The following CLIP2 variants were observed in gnomAD, a reference collection of about 807,000 sequenced individuals.
The protein encoded by CLIP2 is CAP-Gly domain-containing linker protein 2.
CLIP2 carries 41 observed loss-of-function variants against 111.7 expected under a neutral mutation model. The observed-to-expected ratio is 0.37, with a 90% CI of 0.29 to 0.48. The LOEUF (loss-of-function observed/expected upper bound fraction) is 0.48, where lower values mean the gene tolerates loss of function less well. CLIP2 is among the 20% of genes least tolerant of loss of function. The pLI, the probability that CLIP2 is intolerant of heterozygous loss-of-function variation, is 0.99. For synonymous variants in CLIP2, 660 were observed against 644.2 expected (o/e 1.02, Z -0.37); for missense variants, 1,160 against 1,422.1 (o/e 0.82, Z 2.96).
chr7:74,394,242 CTTATTTTTTTT>C (rs1791378824), intron 13 of CLIP2, among the ~76,000 whole-genome samples: 1 of 119,736 alleles, frequency 8.4e-6, no homozygotes, highest in Non-Finnish European at 1.8e-5. Context: ...TCTTTTTCTT[CTTATTTTTTTT>C]TTTTTTTTTT....
chr7:74,378,286 C>T (rs1333294747), intron 10 of CLIP2, among the ~76,000 whole-genome samples: 1 of 151,650 alleles, frequency 6.6e-6, no homozygotes, highest in Non-Finnish European at 1.5e-5. Flanking sequence ...CCCCACCACA[C>T]CTGGCTAATT....
intron 1 of CLIP2, among the ~76,000 whole-genome samples, chr7:74,314,073 C>T (rs1788709104): frequency 1.3e-5 from 2 of 151,518 alleles, no homozygotes; most frequent in South Asian, 2.1e-4. Context: ...GTCTGACTTA[C>T]TCAGAGGCTG....
At chr7:74,360,359 C>A in intron 7 of CLIP2, 81 bp downstream of exon 7, 1 of 1,070,654 alleles carries the variant, frequency 9.3e-7, no homozygotes, top group Non-Finnish European at 1.4e-6. Flanking sequence ...GAATAGCGGA[C>A]CCAGGTTCCA....
intron 7 of CLIP2, among the ~76,000 whole-genome samples, chr7:74,363,004 CTT>C (rs201829199): frequency 1.4e-5 from 2 of 144,548 alleles, no homozygotes; most frequent in Non-Finnish European, 1.5e-5. Flanking sequence ...CAGCTTTGAG[CTT>C]TTTTTTTTTT....
rs377031772 is a variant in CLIP2, at chr7:74,292,130, C to T, written c.-68+2396C>T. Among the ~76,000 whole-genome samples, 51 of 152,170 alleles carry T rather than the reference C, an allele frequency of 3.4e-4. 1 individual carries two copies. Among genetic ancestry groups the T allele is most frequent in the African/African-American group, 1.2e-3 (50 of 41,524 alleles). ...AGAGACGGGGTTTCACCATGTTGGCCAGGCTGGTTTTGAACTCCTGACCTC... is the reference window on the plus strand; with the variant it reads ...AGAGACGGGGTTTCACCATGTTGGCTAGGCTGGTTTTGAACTCCTGACCTC... On this transcript the variant is annotated intron_variant, in intron 1 of 16. Transcript: ENST00000223398.
At chr7:74,342,823 G>A (rs1429465902) in intron 3 of CLIP2, among the ~76,000 whole-genome samples, 3 of 152,132 alleles carry the variant, frequency 2.0e-5, no homozygotes, top group African/African-American at 4.8e-5. Flanking sequence ...TGAGGCAGGC[G>A]GATCACGACG....
intron 1 of CLIP2, among the ~76,000 whole-genome samples, chr7:74,306,139 G>T (rs1267111665): frequency 6.6e-6 from 1 of 152,130 alleles, no homozygotes; most frequent in African/African-American, 2.4e-5. Flanking sequence ...CTGCCCCGCA[G>T]GTGCTGCCTG....
intron 13 of CLIP2, among the ~76,000 whole-genome samples, chr7:74,396,152 C>G (rs1362723922): frequency 5.3e-5 from 8 of 152,330 alleles, no homozygotes; most frequent in Admixed American, 4.6e-4. Flanking sequence ...TGCACTGTTT[C>G]CTGCAGACCC....
At chr7:74,378,776 G>A (rs2116663215) in intron 10 of CLIP2, among the ~76,000 whole-genome samples, 1 of 152,274 alleles carries the variant, frequency 6.6e-6, no homozygotes, top group Admixed American at 6.5e-5. Flanking sequence ...CGAGAATTTA[G>A]CATGTGGGCA....
At chr7:74,342,265 A>C (rs1220849559) in intron 3 of CLIP2, among the ~76,000 whole-genome samples, 1 of 151,992 alleles carries the variant, frequency 6.6e-6, no homozygotes, top group East Asian at 1.9e-4. Flanking sequence ...AGTCCGAGCT[A>C]CTCGGGAGGT....
At chr7:74,364,945 A>C in intron 8 of CLIP2, 1 of 443,070 alleles carries the variant, frequency 2.3e-6, no homozygotes, top group Non-Finnish European at 4.5e-6. Context: ...GATCGCTTGA[A>C]TCTGGGAGAT....
In CLIP2 at chr7:74,354,637, G is replaced by A. The variant is rs147807383; in HGVS notation, c.803+633G>A. Among the ~76,000 whole-genome samples the A allele has an allele frequency of 6.1e-3, 930 of 152,062 alleles. 11 individuals are homozygous for A. The highest frequency in any genetic ancestry group is 0.022 in the African/African-American group (901 of 41,480). ...CTCAAAAAAATTAGCCAGGCATGGT[G>A]GCATGCACCTGTAGTCCCAGCTACT... On this transcript the variant is annotated intron_variant, in intron 4 of 16. Transcript: ENST00000223398.
At position 74,353,853 on chromosome 7, in the gene CLIP2, GACCTGAGTC is replaced by G. The variant is rs781958898; in HGVS notation, c.679-26_679-18del. 5 of 1,613,998 alleles carry G rather than the reference GACCTGAGTC, an allele frequency of 3.1e-6. No homozygotes were observed. The South Asian group carries it at 5.5e-5, about 18-fold the overall frequency. On this transcript the variant is annotated intron_variant, in intron 3 of 16. Coordinates refer to ENST00000223398, the MANE Select transcript of CLIP2 (RefSeq NM_003388.5). ...TCTGCCTGTGCCACTGCATCCTCTAGACCTGAGTCTCCCTGTGTGCCGACAGGTTGGCGG... is the reference window on the plus strand; with the variant it reads ...TCTGCCTGTGCCACTGCATCCTCTAGTCCCTGTGTGCCGACAGGTTGGCGG...
In CLIP2 at chr7:74,336,043, CTCT is replaced by C. The variant is rs1554732063; in HGVS notation, c.122-2400_122-2398del. 4.0e-5 allele frequency among the ~76,000 whole-genome samples: 6 copies of C among 150,686 alleles called. No individual in the cohort carries two copies. In the East Asian group the frequency reaches 1.2e-3, roughly 30 times the overall value. On this transcript the variant is annotated intron_variant, in intron 2 of 16. Coordinates refer to ENST00000223398, the MANE Select transcript of CLIP2 (RefSeq NM_003388.5). Reference sequence around the variant, plus strand: ...AGGCGTAAGCCACTGCGCCTGGCCTCTCTTCTTTTCTCTTTTTTCTTTTCTATT... The same window carrying C: ...AGGCGTAAGCCACTGCGCCTGGCCTCTCTTTTCTCTTTTTTCTTTTCTATT...
chr7:74,338,801 C>T lies in CLIP2; in HGVS notation c.475C>T (p.His159Tyr), dbSNP rs1254140150. 1.2e-6 allele frequency: 2 copies of T among 1,611,278 alleles called. No individual in the cohort carries two copies. Among genetic ancestry groups the T allele is most frequent in the Non-Finnish European group, 1.7e-6 (2 of 1,179,798 alleles). The change falls in exon 3 of 17, where the codon CAC becomes TAC. Residue 159 changes from histidine (H) to tyrosine (Y), a missense_variant. Physicochemically the swap from His to Tyr is moderately conservative, Grantham distance 83. Transcript: ENST00000223398. This position sits in a 1 kb window ranked among gnomAD's most constrained non-coding sequence, Gnocchi z 4.3. Reference sequence around the variant, plus strand: ...GGCCGAGGGCTCGGGGAGTGATGCCCACTCCGTGGAGTCGCTGACTGCCCA... The same window carrying T: ...GGCCGAGGGCTCGGGGAGTGATGCCTACTCCGTGGAGTCGCTGACTGCCCA... ...PTAEGSGSDA[H>Y]SVESLTAQNL...
chr7:74,317,635 C>G lies in CLIP2; in HGVS notation c.89C>G (p.Ser30Cys). Residue 30 changes from serine (S) to cysteine (C), a missense_variant, in exon 2 of 17, where the codon TCC (serine) becomes TGC (cysteine). Physicochemically the swap from Ser to Cys is moderately radical, Grantham distance 112. Transcript: ENST00000223398. ...CGGACATCTACTGGGTCAGCTTCAT[C>G]CTCGGCGGCGGTGGCCGCTAGCTCC... ...MGRTSTGSASSSAAVAASSKE... is the reference protein window; with the variant it reads ...MGRTSTGSASCSAAVAASSKE... The G allele has an allele frequency of 1.3e-6, 2 of 1,522,134 alleles. No individual in the cohort carries two copies. Among genetic ancestry groups the G allele is most frequent in the Non-Finnish European group, 1.8e-6 (2 of 1,128,792 alleles). The allele number at this position is 1,522,134 out of a possible 1,614,324, so 94.3% of individuals were successfully genotyped here. A position where few individuals can be genotyped will look rare whatever the true frequency, so the allele number is the denominator to read the frequency against.
chr7:74,379,907 A>G (rs922878119), intron 10 of CLIP2: 4 of 152,254 alleles, frequency 2.6e-5, no homozygotes, highest in Non-Finnish European at 4.4e-5. Flanking sequence ...AGATTGAGCC[A>G]TTGCACTCTA....
At chr7:74,394,237 T>TTCG (rs1791377492) in intron 13 of CLIP2, among the ~76,000 whole-genome samples, 1 of 131,612 alleles carries the variant, frequency 7.6e-6, no homozygotes, top group Non-Finnish European at 1.7e-5. Flanking sequence ...TACCTTCTTT[T>TTCG]TCTTCTTATT....
Position 74,349,468 on chromosome 7 carries a change from G to GTATATA in CLIP2, c.679-4411_679-4410insATATAT, listed in dbSNP as rs1385137051. Among the ~76,000 whole-genome samples the GTATATA allele has an allele frequency of 1.6e-3, 96 of 61,732 alleles. 1 individual carries two copies. Among genetic ancestry groups the GTATATA allele is most frequent in the Non-Finnish European group, 2.2e-3 (69 of 31,832 alleles). The allele number at this position is 61,732 out of a possible 152,430, so 40.5% of individuals were successfully genotyped here. ...AAAAAGTATGTATGTGTGTGTGTGT[G>GTATATA]TGTATATATATATATATATATATAT... is the stretch of plus-strand genomic sequence containing the variant. On this transcript the variant is annotated intron_variant, in intron 3 of 16. Coordinates refer to ENST00000223398, the MANE Select transcript of CLIP2 (RefSeq NM_003388.5).
Sources: allele counts gnomAD v4.1 joint callset (sites outside exome capture counted in the v4.1 genomes callset), GRCh38; gene constraint gnomAD v4.1.1; non-coding constraint Gnocchi (gnomAD v3.1); transcripts MANE v1.5; gene names NCBI Gene and HGNC (gene_info 2026-07-23, HGNC 2026-07-21).